Variants in DNAJC17 observed in about 807,000 individuals in gnomAD.
DNAJC17 encodes DnaJ heat shock protein family (Hsp40) member C17, also known as dnaJ homolog subfamily C member 17.
Under a neutral mutation model 48.1 loss-of-function variants are expected in DNAJC17, and 35 were observed. That is an observed-to-expected ratio of 0.73 (90% CI 0.56 to 0.96). The LOEUF (loss-of-function observed/expected upper bound fraction) is 0.96, where lower values mean the gene tolerates loss of function less well. DNAJC17 is among the 50% of genes least tolerant of loss of function. DNAJC17 has a pLI of 0.00. For synonymous variants in DNAJC17, 117 were observed against 142.7 expected, an observed-to-expected ratio of 0.82 and a Z score of 1.28; for missense variants, 355 against 377.1, an observed-to-expected ratio of 0.94 and a Z score of 0.48.
chr15:40,783,417 G>A (rs1228803331), intron 1 of DNAJC17, among the ~76,000 whole-genome samples: 1 of 152,188 alleles, frequency 6.6e-6, no homozygotes, highest in Non-Finnish European at 1.5e-5. Context: ...TGAGAGGAAG[G>A]GAGGGGGAGG....
Position 40,770,947 on chromosome 15 carries a change from T to A in DNAJC17, c.792+2780A>T, listed in dbSNP as rs1566819320. The A allele has an allele frequency of 6.4e-7, 1 of 1,551,428 alleles. No individual in the cohort carries two copies. Reference sequence around the variant, plus strand: ...AGTGATCCCTTCCTCTCCTTCAAAGTGGACCTGGGGATTTCACTTCTTGAG... The same window carrying A: ...AGTGATCCCTTCCTCTCCTTCAAAGAGGACCTGGGGATTTCACTTCTTGAG... On this transcript the variant is annotated intron_variant, in intron 10 of 10. Coordinates refer to ENST00000220496, the MANE Select transcript of DNAJC17 (RefSeq NM_018163.3). This position sits in a 1 kb window ranked among gnomAD's most constrained non-coding sequence, Gnocchi z 5.0.
chr15:40,807,134 G>C, intron 1 of DNAJC17: 3 of 1,043,342 alleles, frequency 2.9e-6, no homozygotes, highest in South Asian at 3.3e-5. Context: ...CAGGGGCCAC[G>C]GGGAGAGCAC....
chr15:40,772,160 C>G (rs1889164801), intron 10 of DNAJC17: 1 of 167,002 alleles, frequency 6.0e-6, no homozygotes, highest in Admixed American at 6.5e-5. Context: ...GCCGCCTGAA[C>G]CCTCCGACGA....
chr15:40,803,368 C>G (rs1029257088), intron 1 of DNAJC17, among the ~76,000 whole-genome samples: 3 of 152,208 alleles, frequency 2.0e-5, no homozygotes, highest in Admixed American at 6.5e-5. Flanking sequence ...TGCGGGGACA[C>G]CAGGGCCTAG....
chr15:40,803,980 C>G (rs7177218), intron 1 of DNAJC17, among the ~76,000 whole-genome samples: 1 of 107,548 alleles, frequency 9.3e-6, no homozygotes, highest in African/African-American at 3.4e-5. Context: ...ATTTTCTTTT[C>G]TTTTTTAAGA....
chr15:40,779,655 A>C (rs1293813351), intron 2 of DNAJC17, 52 bp from the exon 3 acceptor site: 2 of 1,581,118 alleles, frequency 1.3e-6, no homozygotes, highest in Non-Finnish European at 1.7e-6. Context: ...AGACTTCGTA[A>C]TGGTGTGCTC....
chr15:40,784,293 C>CT (rs1397258562), intron 1 of DNAJC17, among the ~76,000 whole-genome samples: 4 of 151,406 alleles, frequency 2.6e-5, no homozygotes, highest in Non-Finnish European at 5.9e-5. Context: ...ATTTTCTTTC[C>CT]TTTTTTTGAG....
At position 40,770,326 on chromosome 15, in the gene DNAJC17, G is replaced by C. The variant is rs996117606; in HGVS notation, c.793-2264C>G. 17 of 664,358 alleles carry C rather than the reference G, an allele frequency of 2.6e-5. No homozygotes were observed. Among genetic ancestry groups the C allele is most frequent in the Non-Finnish European group, 4.2e-5 (17 of 400,696 alleles). The allele number at this position is 664,358 out of a possible 1,614,324, so 41.2% of individuals were successfully genotyped here. A position where few individuals can be genotyped will look rare whatever the true frequency, so the allele number is the denominator to read the frequency against. ...CTGGGCAAAAAAGTTCCTTCTTCCT[G>C]AGCCCTCCTCTCACCATCCAAGATG... On this transcript the variant is annotated intron_variant, in intron 10 of 10. Coordinates refer to ENST00000220496, the MANE Select transcript of DNAJC17 (RefSeq NM_018163.3). The surrounding 1 kb of genome is among the most constrained non-coding windows in gnomAD (Gnocchi z 5.0).
At chr15:40,792,915 T>G (rs1889844075) in intron 1 of DNAJC17, among the ~76,000 whole-genome samples, 1 of 146,016 alleles carries the variant, frequency 6.8e-6, no homozygotes, top group African/African-American at 2.7e-5. Flanking sequence ...TTTTTTTTTT[T>G]GAGATGGTCT....
In DNAJC17 at chr15:40,776,264, C is replaced by T. The variant is rs549170424; in HGVS notation, c.410G>A (p.Arg137Gln). The T allele has an allele frequency of 1.4e-5, 22 of 1,614,158 alleles. No individual in the cohort carries two copies. Among genetic ancestry groups the T allele is most frequent in the Middle Eastern group, 1.6e-4 (1 of 6,062 alleles). ...GAGCCTCTGCTGTTCCTCCAGCTGC[C>T]GGGAACCCTCTTCTCTCAGGCGTTC... ...EIERLREEGS[R>Q]QLEEQQRLIR... is the part of the protein sequence containing the mutation. The change falls in exon 6 of 11, where the codon CGG becomes CAG. Residue 137 changes from arginine (R) to glutamine (Q), a missense_variant. Transcript: ENST00000220496.
At position 40,776,591 on chromosome 15, in the gene DNAJC17, T is replaced by C; in HGVS notation, c.332A>G (p.Glu111Gly). The change falls in exon 5 of 11, where the codon GAG becomes GGG. Residue 111 changes from glutamate (E) to glycine (G), a missense_variant. Physicochemically the swap from Glu to Gly is moderately conservative, Grantham distance 98. Transcript: ENST00000220496. ...CCGGCTCTCCTCTTCCTCCTCACTC[T>C]CCTGGGCCTGGGCCTGCCGCTCCCG... Reference protein sequence around the residue: ...EARERQAQAQESEEEEESRST... With the variant: ...EARERQAQAQGSEEEEESRST... 6.2e-7 allele frequency: 1 copy of C among 1,613,966 alleles called. No homozygotes were observed. The highest frequency in any genetic ancestry group is 8.5e-7 in the Non-Finnish European group (1 of 1,179,990).
chr15:40,799,768 CTTAACA>C (rs1330370008), intron 1 of DNAJC17, among the ~76,000 whole-genome samples: 1 of 152,164 alleles, frequency 6.6e-6, no homozygotes, highest in Admixed American at 6.5e-5. Context: ...ACCATACCAT[CTTAACA>C]TTATCTGCAC....
intron 10 of DNAJC17, among the ~76,000 whole-genome samples, chr15:40,773,520 G>C (rs1889217746): frequency 6.6e-6 from 1 of 152,194 alleles, no homozygotes; most frequent in Non-Finnish European, 1.5e-5. Flanking sequence ...CAAGGTCTAA[G>C]AATACAGTGT....
intron 1 of DNAJC17, among the ~76,000 whole-genome samples, chr15:40,801,090 A>T (rs1245781721): frequency 6.6e-6 from 1 of 152,182 alleles, no homozygotes; most frequent in South Asian, 2.1e-4. Flanking sequence ...ATTCTCAAGT[A>T]AAGTCGTTGC....
At chr15:40,799,961 C>A (rs959552383) in intron 1 of DNAJC17, among the ~76,000 whole-genome samples, 2 of 151,944 alleles carry the variant, frequency 1.3e-5, no homozygotes, top group Admixed American at 6.6e-5. Flanking sequence ...GCAATCCTCC[C>A]ACATTAGCCT....
chr15:40,783,958 G>A (rs1306429227), intron 1 of DNAJC17, among the ~76,000 whole-genome samples: 1 of 152,150 alleles, frequency 6.6e-6, no homozygotes, highest in Non-Finnish European at 1.5e-5. Flanking sequence ...TGGGTGTGGT[G>A]GCTCACGCCT....
Position 40,770,564 on chromosome 15 carries a change from A to ACGGCGGCTC in DNAJC17, c.793-2511_793-2503dup. The ACGGCGGCTC allele has an allele frequency of 1.3e-6, 2 of 1,550,672 alleles. No individual in the cohort carries two copies. The highest frequency in any genetic ancestry group is 1.7e-6 in the Non-Finnish European group (2 of 1,146,970). On this transcript the variant is annotated intron_variant, in intron 10 of 10. Coordinates refer to ENST00000220496, the MANE Select transcript of DNAJC17 (RefSeq NM_018163.3). The surrounding 1 kb of genome is among the most constrained non-coding windows in gnomAD (Gnocchi z 5.0). ...TCAAGCAGCTGAGCCTGGGGCGGCC[A>ACGGCGGCTC]CGGCGGCTCCGGCGACAGAGTAGTG...
intron 1 of DNAJC17, among the ~76,000 whole-genome samples, chr15:40,786,984 T>C (rs1227493810): frequency 6.6e-6 from 1 of 151,942 alleles, no homozygotes. Flanking sequence ...CTACGGAGAG[T>C]GGTGTCAGGC....
intron 1 of DNAJC17, among the ~76,000 whole-genome samples, chr15:40,797,235 T>C (rs1889959478): frequency 6.6e-6 from 1 of 152,136 alleles, no homozygotes; most frequent in African/African-American, 2.4e-5. Flanking sequence ...CTGGGCATGA[T>C]GGTACATGCC....
Sources: gnomAD v4.1 joint callset for allele counts (sites outside exome capture counted in the v4.1 genomes callset) on GRCh38, gnomAD v4.1.1 for gene constraint, Gnocchi (gnomAD v3.1) non-coding constraint, MANE v1.5 for transcripts, NCBI Gene and HGNC (gene_info 2026-07-23, HGNC 2026-07-21) for gene names.